WDR70: variants seen among roughly 807,000 people sequenced by gnomAD.
WDR70 encodes the protein WD repeat-containing protein 70.
A neutral mutation model predicts 88.6 loss-of-function variants in WDR70; 53 were observed. That is an observed-to-expected ratio of 0.60 (90% CI 0.48 to 0.75). The LOEUF (loss-of-function observed/expected upper bound fraction) is 0.75. Ranked by LOEUF, WDR70 falls within the 30% of genes least tolerant of loss-of-function variation. WDR70 has a pLI of 0.00. For synonymous variants in WDR70, 280 were observed against 270.0 expected (o/e 1.04, Z -0.36); for missense variants, 610 against 823.2 (o/e 0.74, Z 3.17).
rs577947419 is a variant in WDR70 at position 37,562,904 on chromosome 5, C to G, written c.918-42160C>G. Among the ~76,000 whole-genome samples, 18 of 151,634 alleles carry G rather than the reference C, an allele frequency of 1.2e-4. No individual in the cohort carries two copies. In the South Asian group the frequency reaches 3.6e-3, roughly 30 times the overall value. ...CTCAATCTTTTCCCCACCTTTCCCC[C>G]CTTTCTATTCCACAAAACTGCCGTT... On this transcript the variant is annotated intron_variant, in intron 9 of 17. Transcript: ENST00000265107.
At chr5:37,494,323 C>G (rs184004117) in intron 8 of WDR70, among the ~76,000 whole-genome samples, 2 of 152,110 alleles carry the variant, frequency 1.3e-5, no homozygotes, top group Non-Finnish European at 2.9e-5. Context: ...GTGAGAGAAA[C>G]ATTACTGGAA....
At chr5:37,556,919 T>C (rs1285600183) in intron 9 of WDR70, among the ~76,000 whole-genome samples, 2 of 152,210 alleles carry the variant, frequency 1.3e-5, no homozygotes, top group Non-Finnish European at 2.9e-5. Context: ...GTTGAGCCTC[T>C]TGTGGAGGTT....
At position 37,432,639 on chromosome 5, in the gene WDR70, G is replaced by A. The variant is rs1389437984; in HGVS notation, c.493-5283G>A. 4.0e-5 allele frequency among the ~76,000 whole-genome samples: 6 copies of A among 151,592 alleles called. No individual in the cohort carries two copies. In the East Asian group the frequency reaches 5.8e-4, roughly 15 times the overall value. ...TCTCGATCTCCTGACCTTGTGATCC[G>A]CCCACCTCAGCCTCCCAAAGTGCTG... On this transcript the variant is annotated intron_variant, in intron 5 of 17. Coordinates refer to ENST00000265107, the MANE Select transcript of WDR70 (RefSeq NM_018034.4).
In WDR70 at chr5:37,685,770, C is replaced by T. The variant is rs375425019; in HGVS notation, c.1093-11885C>T. On this transcript the variant is annotated intron_variant, in intron 10 of 17. Transcript: ENST00000265107. ...AGTGTCCATGGTGGTTGAAGGGTCTCTTCCTCCTGGGATTCTAAAGGCCCG... is the reference window on the plus strand; with the variant it reads ...AGTGTCCATGGTGGTTGAAGGGTCTTTTCCTCCTGGGATTCTAAAGGCCCG... Among the ~76,000 whole-genome samples the T allele has an allele frequency of 1.1e-3, 171 of 152,266 alleles. 1 individual carries two copies. Among genetic ancestry groups the T allele is most frequent in the African/African-American group, 4.0e-3 (165 of 41,542 alleles).
intron 5 of WDR70, among the ~76,000 whole-genome samples, chr5:37,427,165 G>A (rs367801537): frequency 1.9e-4 from 29 of 152,242 alleles, no homozygotes; most frequent in East Asian, 9.7e-4. Context: ...TGAGGCGGGC[G>A]GATCACGAGG....
At chr5:37,731,112 C>T (rs1213214884) in intron 17 of WDR70, among the ~76,000 whole-genome samples, 1 of 152,058 alleles carries the variant, frequency 6.6e-6, no homozygotes, top group African/African-American at 2.4e-5. Flanking sequence ...GCCATGGCAA[C>T]TAGAGTATTT....
chr5:37,395,214 T>C (rs1028710193), intron 4 of WDR70, among the ~76,000 whole-genome samples: 8 of 152,282 alleles, frequency 5.3e-5, no homozygotes, highest in African/African-American at 1.9e-4. Context: ...GTGAGGGCTA[T>C]GCTTACAGGT....
intron 9 of WDR70, among the ~76,000 whole-genome samples, chr5:37,574,021 T>G (rs1045266452): frequency 5.3e-5 from 8 of 152,078 alleles, no homozygotes; most frequent in African/African-American, 1.4e-4. Context: ...CCGTGAAAGA[T>G]ACAAGAGGAG....
chr5:37,471,738 A>T (rs1409172563), intron 7 of WDR70, among the ~76,000 whole-genome samples: 2 of 151,932 alleles, frequency 1.3e-5, no homozygotes, highest in Admixed American at 6.6e-5. Context: ...TTACTTTTAA[A>T]AGTTAATAAT....
chr5:37,392,494 C>T (rs894386641), intron 4 of WDR70, among the ~76,000 whole-genome samples: 5 of 151,780 alleles, frequency 3.3e-5, no homozygotes, highest in African/African-American at 7.3e-5. Flanking sequence ...GGACTACAGA[C>T]GTGCACTACC....
At chr5:37,447,609 A>G (rs1738540758) in intron 7 of WDR70, among the ~76,000 whole-genome samples, 1 of 152,216 alleles carries the variant, frequency 6.6e-6, no homozygotes, top group African/African-American at 2.4e-5. Context: ...ATGCAGCCAT[A>G]AAAAATGATG....
chr5:37,511,827 G>C (rs1045589423), intron 8 of WDR70, among the ~76,000 whole-genome samples: 1 of 152,104 alleles, frequency 6.6e-6, no homozygotes, highest in African/African-American at 2.4e-5. Flanking sequence ...CCTTGGCTTA[G>C]TTCTTCATTA....
chr5:37,506,999 A>ACG, intron 8 of WDR70: 1 of 619,166 alleles, frequency 1.6e-6, no homozygotes, highest in East Asian at 2.8e-5. Flanking sequence ...TTGGGGACAC[A>ACG]CACACACAGG....
chr5:37,576,105 G>A (rs1270012137), intron 9 of WDR70, among the ~76,000 whole-genome samples: 4 of 20,032 alleles, frequency 2.0e-4, no homozygotes, highest in South Asian at 1.5e-3. Context: ...CTCCCTCCCC[G>A]CCTCCTTCCC....
At chr5:37,467,949 C>T (rs1177293790) in intron 7 of WDR70, among the ~76,000 whole-genome samples, 5 of 151,578 alleles carry the variant, frequency 3.3e-5, no homozygotes, top group Non-Finnish European at 7.4e-5. Flanking sequence ...CTCCTGACCT[C>T]GTGATCTGCC....
At chr5:37,702,260 A>G (rs773941185) in intron 12 of WDR70, among the ~76,000 whole-genome samples, 1 of 152,238 alleles carries the variant, frequency 6.6e-6, no homozygotes, top group Non-Finnish European at 1.5e-5. Context: ...TATACCTGCT[A>G]CAAGTAATGC....
chr5:37,459,440 A>G (rs1227128017), intron 7 of WDR70, among the ~76,000 whole-genome samples: 4 of 147,582 alleles, frequency 2.7e-5, no homozygotes, highest in Non-Finnish European at 4.5e-5. Context: ...CAATGGGGAA[A>G]GGATTCCCTA....
At chr5:37,524,974 C>T (rs373687853) in intron 9 of WDR70, among the ~76,000 whole-genome samples, 151 of 152,186 alleles carry the variant, frequency 9.9e-4, no homozygotes, top group African/African-American at 3.3e-3. Flanking sequence ...CCCAGATTCA[C>T]AAAGCAAGTC....
intron 13 of WDR70, among the ~76,000 whole-genome samples, chr5:37,707,935 AAAAAAAAAAAAAAATATATATATATATAT>A (rs1257906639): frequency 4.6e-4 from 16 of 34,410 alleles, no homozygotes; most frequent in African/African-American, 1.6e-3. Context: ...AAAAAAAAAA[AAAAAAAAAAAAAAATATATATATATATAT>A]ATATATATAT....
Sources: gnomAD v4.1 joint callset for allele counts (sites outside exome capture counted in the v4.1 genomes callset) on GRCh38, gnomAD v4.1.1 for gene constraint, MANE v1.5 for transcripts, NCBI Gene and HGNC (gene_info 2026-07-23, HGNC 2026-07-21) for gene names.